The following TULP4 variants were observed in gnomAD, a reference collection of about 807,000 sequenced individuals.
TULP4 encodes TUB like protein 4.
TULP4 carries 16 observed loss-of-function variants against 129.0 expected under a neutral mutation model. The observed-to-expected ratio is 0.12, with a 90% CI of 0.08 to 0.19. TULP4 has a LOEUF of 0.19. TULP4 is among the 10% of genes least tolerant of loss of function. TULP4 has a pLI of 1.00. For synonymous variants in TULP4, 998 were observed against 854.0 expected, an observed-to-expected ratio of 1.17 and a Z score of -2.94; for missense variants, 1,842 against 2,059.1, an observed-to-expected ratio of 0.89 and a Z score of 2.04.
At chr6:158,376,604 T>G (rs890955846) in intron 1 of TULP4, among the ~76,000 whole-genome samples, 9 of 152,194 alleles carry the variant, frequency 5.9e-5, no homozygotes, top group African/African-American at 1.9e-4. Context: ...AGTGTCACAA[T>G]TGAAGAAGAG....
intron 1 of TULP4, among the ~76,000 whole-genome samples, chr6:158,236,819 T>C (rs1367284849): frequency 1.0e-5 from 1 of 96,094 alleles, no homozygotes; most frequent in Admixed American, 1.3e-4. Context: ...TTTTTTTTTT[T>C]TTTTTTTTTT....
At position 158,489,625 on chromosome 6, in the gene TULP4, C is replaced by G. The variant is rs1476653870; in HGVS notation, c.1524C>G (p.Ile508Met). ...IYGNSLISTV[I>M]DSCNCSDSSD... ...GGAACAGCTTGATTTCTACTGTGAT[C>G]GACAGCTGCAACTGCTCAGACTCCA... Residue 508 changes from isoleucine to methionine, a missense_variant, in exon 9 of 14, where the codon ATC (isoleucine) becomes ATG (methionine). By Grantham distance (10) the Ile-to-Met change is conservative. Around this residue, in one of 5 missense-constraint regions of TULP4, gnomAD observed 456 missense variants for 534.3 expected, o/e 0.85. Coordinates refer to ENST00000367097, the MANE Select transcript of TULP4 (RefSeq NM_020245.5). The G allele has an allele frequency of 1.2e-6, 2 of 1,614,030 alleles. No homozygotes were observed. Among genetic ancestry groups the G allele is most frequent in the African/African-American group, 2.7e-5 (2 of 74,906 alleles).
chr6:158,454,402 A>AT (rs1412063983), intron 5 of TULP4, among the ~76,000 whole-genome samples: 3 of 152,212 alleles, frequency 2.0e-5, no homozygotes, highest in Non-Finnish European at 4.4e-5. Flanking sequence ...AAGTTTATTA[A>AT]TTTTTTGAGA....
intron 1 of TULP4, among the ~76,000 whole-genome samples, chr6:158,241,420 C>G (rs1346077040): frequency 9.2e-5 from 13 of 141,800 alleles, no homozygotes; most frequent in Non-Finnish European, 1.7e-4. Context: ...TTGTAGTGAG[C>G]TGAGATCACG....
At chr6:158,258,417 G>T (rs1778288747) in intron 1 of TULP4, among the ~76,000 whole-genome samples, 1 of 152,226 alleles carries the variant, frequency 6.6e-6, no homozygotes, top group Non-Finnish European at 1.5e-5. Context: ...TGACCCAGGT[G>T]TCCAGAGAGA....
chr6:158,354,058 A>G (rs1191833367), intron 1 of TULP4, among the ~76,000 whole-genome samples: 1 of 152,176 alleles, frequency 6.6e-6, no homozygotes, highest in Non-Finnish European at 1.5e-5. Flanking sequence ...TCCTCACCTG[A>G]AGGCCCATCA....
chr6:158,480,130 C>T (rs1304560071), intron 7 of TULP4, among the ~76,000 whole-genome samples, 155 bp downstream of exon 7: 3 of 152,192 alleles, frequency 2.0e-5, no homozygotes, highest in East Asian at 1.9e-4. Context: ...TGCAGTCTGT[C>T]GAAGCATCAT....
intron 11 of TULP4, among the ~76,000 whole-genome samples, chr6:158,497,403 A>T (rs1004453083): frequency 6.6e-6 from 1 of 152,118 alleles, no homozygotes; most frequent in Non-Finnish European, 1.5e-5. Flanking sequence ...GGCCCATGAA[A>T]TTTTTTTATT....
intron 1 of TULP4, among the ~76,000 whole-genome samples, chr6:158,345,842 G>T (rs538331640): frequency 7.9e-4 from 120 of 152,192 alleles, no homozygotes; most frequent in Non-Finnish European, 1.3e-3. Context: ...TAAGCCTGAG[G>T]GTACTGCAGG....
intron 1 of TULP4, among the ~76,000 whole-genome samples, chr6:158,293,582 T>A (rs1276351753): frequency 2.6e-5 from 4 of 152,228 alleles, no homozygotes; most frequent in Non-Finnish European, 5.9e-5. Flanking sequence ...AGTCTGCTTA[T>A]GTGCTCAGTG....
intron 1 of TULP4, among the ~76,000 whole-genome samples, chr6:158,370,990 G>T (rs978091788): frequency 9.9e-5 from 15 of 152,262 alleles, no homozygotes; most frequent in Admixed American, 9.2e-4. Context: ...CTGACCCCTC[G>T]TGCCAGTTCT....
At chr6:158,253,756 C>T (rs183060875) in intron 1 of TULP4, among the ~76,000 whole-genome samples, 4 of 152,222 alleles carry the variant, frequency 2.6e-5, no homozygotes, top group Non-Finnish European at 4.4e-5. Flanking sequence ...CAGAATGTGC[C>T]GAGCATGGTG....
At chr6:158,414,209 A>G (rs1264484410) in intron 2 of TULP4, among the ~76,000 whole-genome samples, 1 of 152,216 alleles carries the variant, frequency 6.6e-6, no homozygotes, top group Non-Finnish European at 1.5e-5. Flanking sequence ...ATGTAATAAT[A>G]TTGACTGACT....
intron 1 of TULP4, among the ~76,000 whole-genome samples, chr6:158,318,193 C>T (rs190495333): frequency 6.6e-6 from 1 of 152,238 alleles, no homozygotes; most frequent in Admixed American, 6.5e-5. Flanking sequence ...GGCATGGTGG[C>T]ACATGCTTGT....
At chr6:158,454,798 G>A (rs536563431) in intron 5 of TULP4, among the ~76,000 whole-genome samples, 1 of 152,044 alleles carries the variant, frequency 6.6e-6, no homozygotes, top group East Asian at 1.9e-4. Context: ...TAGAGATGGG[G>A]TTTCATCGTA....
At chr6:158,428,894 T>C (rs1264240576) in intron 2 of TULP4, among the ~76,000 whole-genome samples, 1 of 152,194 alleles carries the variant, frequency 6.6e-6, no homozygotes, top group Non-Finnish European at 1.5e-5. Flanking sequence ...CGCAGACTGT[T>C]GACTTGAGGC....
intron 11 of TULP4, 24 bp downstream of exon 11, chr6:158,494,870 C>A (rs749284614): frequency 6.2e-7 from 1 of 1,603,026 alleles, no homozygotes; most frequent in South Asian, 1.1e-5. Flanking sequence ...CCTCTTCTCT[C>A]ATTGTCCCAG....
chr6:158,293,546 A>G (rs1446093885), intron 1 of TULP4, among the ~76,000 whole-genome samples: 1 of 152,236 alleles, frequency 6.6e-6, no homozygotes, highest in Non-Finnish European at 1.5e-5. Flanking sequence ...TACCTCTACC[A>G]CAGGCAGAAA....
At chr6:158,284,518 TGA>T (rs77284831) in intron 1 of TULP4, among the ~76,000 whole-genome samples, 11,150 of 152,360 alleles carry the variant, frequency 0.073, 559 homozygotes, top group Non-Finnish European at 0.11. Flanking sequence ...CCGCCGTGAA[TGA>T]GAGTCAGCTT....
Sources: allele counts gnomAD v4.1 joint callset (sites outside exome capture counted in the v4.1 genomes callset), GRCh38; gene constraint gnomAD v4.1.1; regional missense constraint gnomAD v4.1.1; transcripts MANE v1.5; gene names NCBI Gene and HGNC (gene_info 2026-07-23, HGNC 2026-07-21).